ERBB4: variants seen among roughly 807,000 people sequenced by gnomAD.
ERBB4 encodes the protein receptor tyrosine-protein kinase erbB-4.
A neutral mutation model predicts 158.0 loss-of-function variants in ERBB4; 42 were observed. The ratio of observed to expected loss-of-function variants is 0.27; its 90% confidence interval spans 0.21 to 0.34. The LOEUF (loss-of-function observed/expected upper bound fraction) is 0.34, where lower values mean the gene tolerates loss of function less well. Among genes scored for constraint, ERBB4 ranks in the 10% least tolerant of loss-of-function variants. The probability of loss-of-function intolerance (pLI) is 1.00; values close to 1 mark genes in which losing one functional copy is unlikely to be tolerated. For synonymous variants in ERBB4, 583 were observed against 558.7 expected, an observed-to-expected ratio of 1.04 and a Z score of -0.61; for missense variants, 1,333 against 1,624.1, an observed-to-expected ratio of 0.82 and a Z score of 3.08.
chr2:211,555,281 G>A (rs982205436), intron 20 of ERBB4, among the ~76,000 whole-genome samples: 3 of 152,108 alleles, frequency 2.0e-5, no homozygotes, highest in African/African-American at 7.2e-5. Flanking sequence ...TACCTCCCAG[G>A]TTCAAGCGAT....
intron 17 of ERBB4, among the ~76,000 whole-genome samples, chr2:211,627,977 G>T (rs1434809613): frequency 6.6e-6 from 1 of 152,104 alleles, no homozygotes; most frequent in African/African-American, 2.4e-5. Flanking sequence ...GTGTAGTAAG[G>T]TCTGTGTGAT....
chr2:211,486,722 T>A (rs531509417), intron 20 of ERBB4, among the ~76,000 whole-genome samples: 36 of 152,172 alleles, frequency 2.4e-4, no homozygotes, highest in Admixed American at 7.9e-4. Context: ...TTACTCCACA[T>A]TACATCCACA....
chr2:212,061,514 T>G (rs944950154), intron 2 of ERBB4, among the ~76,000 whole-genome samples: 1 of 147,132 alleles, frequency 6.8e-6, no homozygotes, highest in Non-Finnish European at 1.5e-5. Flanking sequence ...TGTGTTTCCA[T>G]TAAGCCATAT....
chr2:212,527,011 A>G (rs16848762), intron 1 of ERBB4, among the ~76,000 whole-genome samples: 2,457 of 152,200 alleles, frequency 0.016, 71 homozygotes, highest in African/African-American at 0.056. Flanking sequence ...TCCACTCTAA[A>G]TAACAAATGA....
intron 1 of ERBB4, among the ~76,000 whole-genome samples, chr2:212,431,765 C>A (rs1454643355): frequency 6.6e-6 from 1 of 152,162 alleles, no homozygotes; most frequent in Non-Finnish European, 1.5e-5. Flanking sequence ...GGCCTTCATA[C>A]TTGCTGTTTG....
At chr2:212,215,057 G>C (rs865914794) in intron 1 of ERBB4, among the ~76,000 whole-genome samples, 1 of 151,648 alleles carries the variant, frequency 6.6e-6, no homozygotes, top group South Asian at 2.1e-4. Context: ...ATAATGTTAA[G>C]GAATCAGGTT....
chr2:212,160,120 T>A (rs1478493784), intron 1 of ERBB4, among the ~76,000 whole-genome samples: 1 of 151,954 alleles, frequency 6.6e-6, no homozygotes, highest in African/African-American at 2.4e-5. Context: ...GATTTTAGCA[T>A]AACCCTTTCC....
At chr2:211,823,062 C>T (rs759167056) in intron 3 of ERBB4, among the ~76,000 whole-genome samples, 44 of 152,004 alleles carry the variant, frequency 2.9e-4, no homozygotes, top group Non-Finnish European at 5.7e-4. Flanking sequence ...AACAAAACTG[C>T]CCCAATCCAA....
At chr2:211,618,207 T>C (rs530762340) in intron 19 of ERBB4, among the ~76,000 whole-genome samples, 47 of 152,206 alleles carry the variant, frequency 3.1e-4, no homozygotes, top group African/African-American at 1.1e-3. Flanking sequence ...TAACTTGCTA[T>C]AGAAACTAAT....
At chr2:211,673,488 C>T (rs1247945706) in intron 13 of ERBB4, among the ~76,000 whole-genome samples, 4 of 95,410 alleles carry the variant, frequency 4.2e-5, no homozygotes, top group Non-Finnish European at 6.8e-5. Flanking sequence ...CTGGAAACCT[C>T]TCTCCTGCAA....
chr2:212,072,025 A>G (rs2078136050), intron 2 of ERBB4, among the ~76,000 whole-genome samples: 1 of 152,022 alleles, frequency 6.6e-6, no homozygotes, highest in East Asian at 1.9e-4. Flanking sequence ...AATGAAATAC[A>G]CTTCCATAGT....
In ERBB4 at chr2:211,382,025, T is replaced by C. The variant is rs1203896649; in HGVS notation, c.*1590A>G. On this transcript the variant is annotated 3_prime_UTR_variant, in exon 28 of 28. Coordinates refer to ENST00000342788, the MANE Select transcript of ERBB4 (RefSeq NM_005235.3). The stretch of plus-strand genomic sequence containing the variant: ...GATGGTTCTAGTACTGGATGCAGTA[T>C]ATGAAGAAAGGGAATTATATAAAGT... 4.4e-6 allele frequency: 1 copy of C among 229,210 alleles called. No homozygotes were observed. The highest frequency in any genetic ancestry group is 8.6e-6 in the Non-Finnish European group (1 of 115,650). 14.2% of individuals were successfully genotyped at this position (229,210 alleles called of 1,614,324 possible).
chr2:211,802,262 C>CA lies in ERBB4; in HGVS notation c.422-14104dup, dbSNP rs55912021. On this transcript the variant is annotated intron_variant, in intron 3 of 27. Transcript: ENST00000342788. ...CGAAAGAGCGAGACTCAGTCTCCAA[C>CA]AAAAAAAAAAAAACACAAAAAACTG... 1.9e-3 allele frequency among the ~76,000 whole-genome samples: 268 copies of CA among 143,740 alleles called. 2 individuals carry two copies. The Middle Eastern group carries it at 0.022, about 12-fold the overall frequency. The allele number at this position is 143,740 out of a possible 152,430, so 94.3% of individuals were successfully genotyped here. A position where few individuals can be genotyped will look rare whatever the true frequency, so the allele number is the denominator to read the frequency against.
chr2:211,542,026 C>G (rs955761734), intron 20 of ERBB4, among the ~76,000 whole-genome samples: 7 of 151,888 alleles, frequency 4.6e-5, no homozygotes, highest in African/African-American at 1.7e-4. Flanking sequence ...TGTTATTGAT[C>G]TCATTACTTA....
At chr2:212,194,680 T>C (rs962430059) in intron 1 of ERBB4, among the ~76,000 whole-genome samples, 1 of 152,006 alleles carries the variant, frequency 6.6e-6, no homozygotes, top group Non-Finnish European at 1.5e-5. Flanking sequence ...TGGTAGTCCT[T>C]AGAGACAGCT....
At chr2:211,862,434 T>A (rs1357478970) in intron 3 of ERBB4, among the ~76,000 whole-genome samples, 3 of 152,148 alleles carry the variant, frequency 2.0e-5, no homozygotes, top group Non-Finnish European at 2.9e-5. Context: ...TTGTCTTAGA[T>A]GAGAAAAGGC....
At chr2:212,108,526 A>G (rs887846995) in intron 2 of ERBB4, among the ~76,000 whole-genome samples, 1 of 152,158 alleles carries the variant, frequency 6.6e-6, no homozygotes, top group Non-Finnish European at 1.5e-5. Flanking sequence ...TTTTTATACC[A>G]TACTTTAAAA....
intron 1 of ERBB4, among the ~76,000 whole-genome samples, chr2:212,340,378 T>C (rs1012658101): frequency 2.0e-5 from 3 of 152,316 alleles, no homozygotes; most frequent in Admixed American, 6.5e-5. Flanking sequence ...AGACACTGTG[T>C]ACTTTATTTC....
rs192865473 is a variant in ERBB4 at position 212,305,840 on chromosome 2, A to C, written c.83-180937T>G. 2.9e-3 allele frequency among the ~76,000 whole-genome samples: 446 copies of C among 151,606 alleles called. 1 individual carries two copies. The highest frequency in any genetic ancestry group is 0.021 in the Middle Eastern group (6 of 288). ...TAAAAGAAATGTATCTGTTAAGTACACAAACTTAATGAATTTTAAAAAGAA... is the reference window on the plus strand; with the variant it reads ...TAAAAGAAATGTATCTGTTAAGTACCCAAACTTAATGAATTTTAAAAAGAA... On this transcript the variant is annotated intron_variant, in intron 1 of 27. Coordinates refer to ENST00000342788, the MANE Select transcript of ERBB4 (RefSeq NM_005235.3).
Sources: allele counts gnomAD v4.1 joint callset (sites outside exome capture counted in the v4.1 genomes callset), GRCh38; gene constraint gnomAD v4.1.1; transcripts MANE v1.5; gene names NCBI Gene and HGNC (gene_info 2026-07-23, HGNC 2026-07-21).